TAF2: variants seen among roughly 807,000 people sequenced by gnomAD.
TAF2 encodes the protein transcription initiation factor TFIID subunit 2.
A neutral mutation model predicts 138.5 loss-of-function variants in TAF2; 61 were observed. That is an observed-to-expected ratio of 0.44 (90% CI 0.36 to 0.54). The LOEUF (loss-of-function observed/expected upper bound fraction) is 0.54, where lower values mean the gene tolerates loss of function less well. TAF2 is among the 20% of genes least tolerant of loss of function. The pLI is 0.00. For synonymous variants in TAF2, 475 were observed against 469.9 expected, an observed-to-expected ratio of 1.01 and a Z score of -0.14; for missense variants, 1,090 against 1,427.9, an observed-to-expected ratio of 0.76 and a Z score of 3.81.
chr8:119,797,350 GA>G (rs1487442732), intron 7 of TAF2, among the ~76,000 whole-genome samples: 4 of 151,904 alleles, frequency 2.6e-5, no homozygotes, highest in Non-Finnish European at 5.9e-5. Flanking sequence ...AATAGTGCTA[GA>G]AAAAAATTCA....
At chr8:119,768,121 G>A (rs752284461) in intron 18 of TAF2, among the ~76,000 whole-genome samples, 3 of 152,192 alleles carry the variant, frequency 2.0e-5, no homozygotes, top group Non-Finnish European at 4.4e-5. Flanking sequence ...CGGCCACCCT[G>A]CTCCCACCCA....
chr8:119,829,116 T>C (rs1038722374), intron 2 of TAF2, among the ~76,000 whole-genome samples: 1 of 152,202 alleles, frequency 6.6e-6, no homozygotes, highest in East Asian at 1.9e-4. Context: ...AGGTAGACTG[T>C]TCTGATTATT....
At chr8:119,754,499 A>G (rs898069626) in intron 22 of TAF2, among the ~76,000 whole-genome samples, 2 of 152,142 alleles carry the variant, frequency 1.3e-5, no homozygotes, top group Non-Finnish European at 2.9e-5. Context: ...CCTGGCCAAC[A>G]TGGTGAAACC....
chr8:119,832,108 G>A (rs1826488560), intron 1 of TAF2, among the ~76,000 whole-genome samples: 1 of 151,996 alleles, frequency 6.6e-6, no homozygotes, highest in African/African-American at 2.4e-5. Flanking sequence ...GCAGTGAGCC[G>A]AGATCGCGCC....
intron 25 of TAF2, among the ~76,000 whole-genome samples, chr8:119,734,389 C>T (rs533845773): frequency 1.3e-5 from 2 of 152,278 alleles, no homozygotes; most frequent in Middle Eastern, 3.4e-3. Flanking sequence ...TTGATCCAAA[C>T]CAGCCCCCAA....
intron 18 of TAF2, among the ~76,000 whole-genome samples, chr8:119,773,345 T>C (rs1364175041): frequency 6.6e-6 from 1 of 151,560 alleles, no homozygotes; most frequent in Non-Finnish European, 1.5e-5. Context: ...AAAGTTGATA[T>C]ACTTTCCATA....
At chr8:119,826,172 T>G (rs1826086818) in intron 2 of TAF2, among the ~76,000 whole-genome samples, 1 of 151,756 alleles carries the variant, frequency 6.6e-6, no homozygotes, top group South Asian at 2.1e-4. Context: ...GTGACAAGTT[T>G]ATGGGTGCAG....
intron 6 of TAF2, among the ~76,000 whole-genome samples, chr8:119,799,658 T>C (rs1048744745): frequency 1.2e-4 from 18 of 152,228 alleles, no homozygotes; most frequent in Non-Finnish European, 4.4e-5. Flanking sequence ...ATCCTTTGGG[T>C]ATATACCCAG....
chr8:119,756,256 T>C (rs745399107), intron 21 of TAF2, 141 bp from the exon 22 acceptor site: 14 of 658,850 alleles, frequency 2.1e-5, no homozygotes, highest in Non-Finnish European at 3.5e-5. Flanking sequence ...TAGCTCTGTG[T>C]TTATTTAGTT....
intron 18 of TAF2, among the ~76,000 whole-genome samples, chr8:119,768,803 G>A (rs1391389968): frequency 1.3e-5 from 2 of 152,156 alleles, no homozygotes; most frequent in African/African-American, 4.8e-5. Flanking sequence ...TGGAGAACAG[G>A]AAAGCCACAG....
chr8:119,768,471 T>C (rs944381737), intron 18 of TAF2, among the ~76,000 whole-genome samples: 4 of 140,124 alleles, frequency 2.9e-5, no homozygotes, highest in Non-Finnish European at 6.5e-5. Flanking sequence ...AAACTCCTTA[T>C]TTTTTCCTCT....
chr8:119,770,667 C>G (rs1384846779), intron 18 of TAF2, among the ~76,000 whole-genome samples: 1 of 152,136 alleles, frequency 6.6e-6, no homozygotes, highest in Non-Finnish European at 1.5e-5. Flanking sequence ...CTCACAGATC[C>G]TATAATTACA....
chr8:119,832,584 T>C lies in TAF2; in HGVS notation c.-20A>G, dbSNP rs760901553. 2 of 1,611,104 alleles carry C rather than the reference T, an allele frequency of 1.2e-6. No homozygotes were observed. The highest frequency in any genetic ancestry group is 1.7e-6 in the Non-Finnish European group (2 of 1,179,530). Reference sequence around the variant, plus strand: ...CGGCATGAAGCGGTCCCGCGGAGCTTGGCTTCCCGGCTTCCTAGGGGGATA... The same window carrying C: ...CGGCATGAAGCGGTCCCGCGGAGCTCGGCTTCCCGGCTTCCTAGGGGGATA... On this transcript the variant is annotated 5_prime_UTR_variant, in exon 1 of 26. Coordinates refer to ENST00000378164, the MANE Select transcript of TAF2 (RefSeq NM_003184.4).
intron 18 of TAF2, among the ~76,000 whole-genome samples, chr8:119,777,281 G>C (rs887230570): frequency 2.6e-5 from 4 of 152,098 alleles, no homozygotes; most frequent in Non-Finnish European, 4.4e-5. Context: ...CATTCCCCTA[G>C]GGAATCATAT....
chr8:119,831,533 C>A, intron 2 of TAF2, 144 bp downstream of exon 2: 1 of 556,852 alleles, frequency 1.8e-6, no homozygotes, highest in Non-Finnish European at 3.1e-6. Flanking sequence ...AACTTGTAAT[C>A]ATACAGACCC....
chr8:119,814,920 A>AT (rs1446437397), intron 3 of TAF2, among the ~76,000 whole-genome samples: 3 of 138,750 alleles, frequency 2.2e-5, no homozygotes, highest in Non-Finnish European at 3.1e-5. Flanking sequence ...AAAAAAAAAA[A>AT]GTGGGGCGGG....
Position 119,831,738 on chromosome 8 carries a change from T to C in TAF2, c.84-7A>G, listed in dbSNP as rs1258103163. 6.5e-7 allele frequency: 1 copy of C among 1,540,820 alleles called. No homozygotes were observed. The highest frequency in any genetic ancestry group is 8.8e-7 in the Non-Finnish European group (1 of 1,136,346). On this transcript the variant is annotated splice_polypyrimidine_tract_variant and splice_region_variant and intron_variant, in intron 1 of 25. Transcript: ENST00000378164. ...GCAGACGACCTGATGGGTTGTATAT[T>C]AATAAATATAAAAAGAAAATAAGGA...
intron 25 of TAF2, among the ~76,000 whole-genome samples, chr8:119,741,882 C>T (rs1333484056): frequency 1.3e-5 from 2 of 152,286 alleles, no homozygotes; most frequent in South Asian, 2.1e-4. Context: ...GGTAGTTCAT[C>T]AGCATCAAAT....
chr8:119,783,566 C>T lies in TAF2; in HGVS notation c.1927G>A (p.Glu643Lys). ...DMSVLRKVEF[E>K]QADFMWQYQL... ...TACTGCCACATAAAATCAGCTTGCT[C>T]AAATTCTACCTTCCTCAATACTGAC... is the stretch of plus-strand genomic sequence containing the variant. Residue 643 changes from glutamate (E) to lysine (K), a missense_variant, in exon 16 of 26, where the codon GAG (glutamate) becomes AAG (lysine). By Grantham distance (56) the Glu-to-Lys change is moderately conservative (BLOSUM62 1). Around this residue, in one of 3 missense-constraint regions of TAF2, gnomAD observed 580 missense variants for 719.6 expected, o/e 0.81. Coordinates refer to ENST00000378164, the MANE Select transcript of TAF2 (RefSeq NM_003184.4). The T allele has an allele frequency of 6.2e-7, 1 of 1,614,170 alleles. No homozygotes were observed. The highest frequency in any genetic ancestry group is 8.5e-7 in the Non-Finnish European group (1 of 1,180,028).
Sources: gnomAD v4.1 joint callset for allele counts (sites outside exome capture counted in the v4.1 genomes callset) on GRCh38, gnomAD v4.1.1 for gene constraint, gnomAD v4.1.1 regional missense constraint, MANE v1.5 for transcripts, NCBI Gene and HGNC (gene_info 2026-07-23, HGNC 2026-07-21) for gene names.